QSOX2: variants seen among roughly 807,000 people sequenced by gnomAD.
QSOX2 encodes the protein sulfhydryl oxidase 2.
QSOX2 carries 46 observed loss-of-function variants against 61.7 expected under a neutral mutation model. That is an observed-to-expected ratio of 0.75 (90% CI 0.59 to 0.95). QSOX2 has a LOEUF of 0.95. Ranked by LOEUF, QSOX2 falls within the 40% of genes least tolerant of loss-of-function variation. QSOX2 has a pLI of 0.00. For synonymous variants in QSOX2, 383 were observed against 388.4 expected, an observed-to-expected ratio of 0.99 and a Z score of 0.16; for missense variants, 879 against 918.9, an observed-to-expected ratio of 0.96 and a Z score of 0.56.
In QSOX2 at chr9:136,215,049, C is replaced by T. The variant is rs146708116; in HGVS notation, c.1360+105G>A. ...CCATTCCCCTGCCTCAGTGGCCTGG[C>T]GACATGCTGCCTCCCATACAGCAGT... On this transcript the variant is annotated intron_variant, in intron 10 of 11. Transcript: ENST00000358701. 2.3e-5 allele frequency: 31 copies of T among 1,353,614 alleles called. 1 individual carries two copies. The Middle Eastern group carries it at 3.4e-3, about 148-fold the overall frequency. The allele number at this position is 1,353,614 out of a possible 1,614,324, so 83.9% of individuals were successfully genotyped here.
At chr9:136,245,358 G>A (rs67827752) in intron 1 of QSOX2, 118 bp downstream of exon 1, 533,387 of 839,786 alleles carry the variant, frequency 0.64, 172,977 homozygotes, top group South Asian at 0.68. Flanking sequence ...TGGCTCTGCG[G>A]TAAGGAAAGA....
rs144561104 is a variant in QSOX2 at position 136,208,829 on chromosome 9, C to A, written c.1996G>T (p.Val666Leu). ...FSSLDMSLCV[V>L]LYVASSLFLM... is the part of the protein sequence containing the mutation. ...AACAGGGATGAAGCCACGTACAGCA[C>A]GACACAGAGACTCATGTCCAGGCTG... The change falls in exon 12 of 12, where the codon GTG becomes TTG. Residue 666 changes from valine (V) to leucine (L), a missense_variant. Physicochemically the swap from Val to Leu is conservative, Grantham distance 32 (BLOSUM62 1). Coordinates refer to ENST00000358701, the MANE Select transcript of QSOX2 (RefSeq NM_181701.4). The A allele has an allele frequency of 6.2e-7, 1 of 1,614,042 alleles. No individual in the cohort carries two copies.
At chr9:136,215,663 A>G (rs1021824680) in intron 9 of QSOX2, among the ~76,000 whole-genome samples, 4 of 152,376 alleles carry the variant, frequency 2.6e-5, no homozygotes, top group African/African-American at 9.6e-5. Context: ...CTAACAACAG[A>G]AAAAAGCTCA....
Position 136,223,918 on chromosome 9 carries a change from A to G in QSOX2, c.585-65T>C, listed in dbSNP as rs1830253072. 2 of 1,553,478 alleles carry G rather than the reference A, an allele frequency of 1.3e-6. No individual in the cohort carries two copies. Among genetic ancestry groups the G allele is most frequent in the Middle Eastern group, 1.7e-4 (1 of 5,950 alleles). On this transcript the variant is annotated intron_variant, in intron 4 of 11. Coordinates refer to ENST00000358701, the MANE Select transcript of QSOX2 (RefSeq NM_181701.4). This position sits in a 1 kb window ranked among gnomAD's most constrained non-coding sequence, Gnocchi z 4.4. ...AGCAGCGAGTTGGCCACCACATCCCAGTGGCCACATCACTTAATAGAAACC... is the reference window on the plus strand; with the variant it reads ...AGCAGCGAGTTGGCCACCACATCCCGGTGGCCACATCACTTAATAGAAACC...
chr9:136,238,363 G>C (rs950768473), intron 1 of QSOX2, among the ~76,000 whole-genome samples: 4 of 152,170 alleles, frequency 2.6e-5, no homozygotes, highest in African/African-American at 9.7e-5. Flanking sequence ...GCTCCAAGAA[G>C]ACAAGACATG....
At chr9:136,218,649 C>A in intron 8 of QSOX2, 30 bp downstream of exon 8, 1 of 1,603,862 alleles carries the variant, frequency 6.2e-7, no homozygotes, top group South Asian at 1.1e-5. Context: ...CAAATTCCCA[C>A]ATGCAGCCCA....
At chr9:136,237,208 G>T (rs1488168086) in intron 1 of QSOX2, among the ~76,000 whole-genome samples, 1 of 123,700 alleles carries the variant, frequency 8.1e-6, no homozygotes, top group African/African-American at 3.2e-5. Context: ...GCCTGCTCTG[G>T]GCCGGCGTCA....
intron 6 of QSOX2, among the ~76,000 whole-genome samples, chr9:136,220,860 ACCACCAGACCTGG>A (rs1343702211): frequency 2.6e-5 from 4 of 152,034 alleles, no homozygotes; most frequent in Non-Finnish European, 5.9e-5. Context: ...ACAGTGGCAC[ACCACCAGACCTGG>A]CTAGTCTTTT....
Position 136,222,934 on chromosome 9 carries a change from C to T in QSOX2, c.675+829G>A, listed in dbSNP as rs1282844075. 6.6e-6 allele frequency among the ~76,000 whole-genome samples: 1 copy of T among 152,218 alleles called. No homozygotes were observed. The highest frequency in any genetic ancestry group is 1.5e-5 in the Non-Finnish European group (1 of 68,034). On this transcript the variant is annotated intron_variant, in intron 5 of 11. Coordinates refer to ENST00000358701, the MANE Select transcript of QSOX2 (RefSeq NM_181701.4). The surrounding 1 kb of genome is among the most constrained non-coding windows in gnomAD (Gnocchi z 6.9). ...GCCCTCCACAGAGAATCCTGGCCAA[C>T]CATCTGGAGGCAGCCTGGCGTCACC... is the stretch of plus-strand genomic sequence containing the variant.
chr9:136,239,116 A>G (rs1830414613), intron 1 of QSOX2, among the ~76,000 whole-genome samples: 1 of 151,896 alleles, frequency 6.6e-6, no homozygotes, highest in African/African-American at 2.4e-5. Context: ...TTGCTCTACC[A>G]CCCAGGGCCA....
chr9:136,218,589 C>T (rs915474047), intron 8 of QSOX2, 90 bp downstream of exon 8: 12 of 1,445,094 alleles, frequency 8.3e-6, no homozygotes, highest in South Asian at 6.9e-5. Context: ...GCGGAGCTGG[C>T]GGAGCCCCCG....
intron 10 of QSOX2, among the ~76,000 whole-genome samples, chr9:136,213,401 G>A (rs958990355): frequency 2.6e-5 from 4 of 151,766 alleles, no homozygotes; most frequent in Admixed American, 2.6e-4. Context: ...CTGGGCATTC[G>A]GTCGGAATCA....
chr9:136,224,925 C>A lies in QSOX2; in HGVS notation c.430-16G>T, dbSNP rs1314322918. 1 of 1,598,632 alleles carries A rather than the reference C, an allele frequency of 6.3e-7. No homozygotes were observed. Among genetic ancestry groups the A allele is most frequent in the South Asian group, 1.1e-5 (1 of 88,900 alleles). On this transcript the variant is annotated splice_polypyrimidine_tract_variant and intron_variant, in intron 2 of 11. Transcript: ENST00000358701. ...CTTTAAAATACTAAGAGGAAAAACA[C>A]AGAACAAGTAAGAGGCAGCCTTCCA...
intron 1 of QSOX2, among the ~76,000 whole-genome samples, chr9:136,239,966 T>C (rs981858199): frequency 6.6e-6 from 1 of 152,242 alleles, no homozygotes; most frequent in Non-Finnish European, 1.5e-5. Context: ...TTCAGGGCAC[T>C]GGCCTCATTC....
At chr9:136,225,053 G>A (rs1257831524) in intron 2 of QSOX2, 144 bp from the exon 3 acceptor site, 6 of 578,152 alleles carry the variant, frequency 1.0e-5, no homozygotes, top group South Asian at 6.8e-5. Flanking sequence ...CAAACCACAC[G>A]CTTCTCCTTG....
At chr9:136,217,934 T>C (rs866906636) in intron 8 of QSOX2, among the ~76,000 whole-genome samples, 23 of 152,362 alleles carry the variant, frequency 1.5e-4, no homozygotes, top group Middle Eastern at 3.4e-3. Flanking sequence ...TCCTGTACTT[T>C]TCACAAATCA....
chr9:136,227,839 G>T (rs72773795), intron 1 of QSOX2, among the ~76,000 whole-genome samples: 1 of 152,106 alleles, frequency 6.6e-6, no homozygotes, highest in Non-Finnish European at 1.5e-5. Flanking sequence ...TTAGCTGGGC[G>T]TTGGTGGCGC....
At chr9:136,214,528 C>A (rs1831885641) in intron 10 of QSOX2, among the ~76,000 whole-genome samples, 1 of 152,218 alleles carries the variant, frequency 6.6e-6, no homozygotes, top group South Asian at 2.1e-4. Context: ...CAGTCAACAG[C>A]CAGCATGGAG....
Position 136,209,618 on chromosome 9 carries a change from C to T in QSOX2, c.1550-343G>A. ...TCCAAAACGGAGCATGCAGCTCTCA[C>T]CTGGAGGCCTTTCTCCGCACAGTGC... On this transcript the variant is annotated intron_variant, in intron 11 of 11. Coordinates refer to ENST00000358701, the MANE Select transcript of QSOX2 (RefSeq NM_181701.4). The surrounding 1 kb of genome is among the most constrained non-coding windows in gnomAD (Gnocchi z 5.6). 1.0e-6 allele frequency: 1 copy of T among 985,346 alleles called. No homozygotes were observed. Among genetic ancestry groups the T allele is most frequent in the Non-Finnish European group, 1.2e-6 (1 of 829,894 alleles). 61.0% of individuals were successfully genotyped at this position (985,346 alleles called of 1,614,324 possible).
Sources: allele counts gnomAD v4.1 joint callset (sites outside exome capture counted in the v4.1 genomes callset), GRCh38; gene constraint gnomAD v4.1.1; non-coding constraint Gnocchi (gnomAD v3.1); transcripts MANE v1.5; gene names NCBI Gene and HGNC (gene_info 2026-07-23, HGNC 2026-07-21).